Variants in RIGI observed in about 807,000 individuals in gnomAD.
The protein encoded by RIGI is antiviral innate immune response receptor RIG-I.
the RIGI span, among the ~76,000 whole-genome samples, chr9:32,460,859 G>C: frequency 2.6e-5 from 4 of 152,244 alleles, no homozygotes; most frequent in East Asian, 7.7e-4. Flanking sequence ...AGTGAAGAAA[G>C]AGCAGGGCTT....
At chr9:32,510,884 TGGAG>T in the RIGI span, among the ~76,000 whole-genome samples, 2 of 149,940 alleles carry the variant, frequency 1.3e-5, no homozygotes, top group Admixed American at 1.3e-4. Flanking sequence ...AATACAGGGA[TGGAG>T]GAAGATTTAC....
chr9:32,497,640 G>A, the RIGI span, among the ~76,000 whole-genome samples: 1 of 152,140 alleles, frequency 6.6e-6, no homozygotes, highest in Non-Finnish European at 1.5e-5. Flanking sequence ...CCAGCTACTC[G>A]GGAGGCTGAG....
chr9:32,489,330 G>A, the RIGI span: 5 of 1,564,528 alleles, frequency 3.2e-6, no homozygotes, highest in South Asian at 1.1e-5. Flanking sequence ...TGTAAGTAAT[G>A]GCAATAGGCT....
the RIGI span, among the ~76,000 whole-genome samples, chr9:32,465,816 G>A: frequency 6.6e-6 from 1 of 152,292 alleles, no homozygotes; most frequent in Non-Finnish European, 1.5e-5. Context: ...TCATGTTTCT[G>A]TGTTACGGAA....
the RIGI span, among the ~76,000 whole-genome samples, chr9:32,476,366 G>A: frequency 6.6e-6 from 1 of 152,058 alleles, no homozygotes; most frequent in South Asian, 2.1e-4. Flanking sequence ...GGGCATGGTG[G>A]CAGATGACTG....
At chr9:32,511,819 A>G in the RIGI span, among the ~76,000 whole-genome samples, 1 of 152,174 alleles carries the variant, frequency 6.6e-6, no homozygotes, top group Non-Finnish European at 1.5e-5. Flanking sequence ...AGATTAACAA[A>G]TATATAGACC....
chr9:32,507,525 T>C, the RIGI span, among the ~76,000 whole-genome samples: 1 of 152,180 alleles, frequency 6.6e-6, no homozygotes, highest in Non-Finnish European at 1.5e-5. Context: ...TCTTCACTGA[T>C]ATCTCAATAC....
the RIGI span, chr9:32,481,262 G>T: frequency 7.1e-7 from 1 of 1,411,148 alleles, no homozygotes; most frequent in Non-Finnish European, 9.7e-7. Context: ...ATGAGAAGTT[G>T]ATGTTATCTT....
chr9:32,504,225 G>T, the RIGI span, among the ~76,000 whole-genome samples: 3 of 152,062 alleles, frequency 2.0e-5, no homozygotes, highest in Admixed American at 1.3e-4. Flanking sequence ...TTGCAGAGAG[G>T]GTTAGAGTAA....
the RIGI span, among the ~76,000 whole-genome samples, chr9:32,523,636 G>A: frequency 2.0e-5 from 3 of 151,888 alleles, no homozygotes; most frequent in East Asian, 1.9e-4. Flanking sequence ...CCATTCCTCC[G>A]GATTCCTATT....
the RIGI span, among the ~76,000 whole-genome samples, chr9:32,502,749 C>T: frequency 2.6e-5 from 4 of 152,204 alleles, no homozygotes; most frequent in Non-Finnish European, 4.4e-5. Flanking sequence ...CTTGTGACAA[C>T]ACTCCCTCCA....
the RIGI span, among the ~76,000 whole-genome samples, chr9:32,487,222 A>C: frequency 6.6e-6 from 1 of 152,192 alleles, no homozygotes; most frequent in African/African-American, 2.4e-5. Context: ...TAGTACATTT[A>C]TAAGAGGTTT....
the RIGI span, among the ~76,000 whole-genome samples, chr9:32,463,168 C>T: frequency 2.6e-3 from 403 of 152,174 alleles, no homozygotes; most frequent in African/African-American, 9.1e-3. Context: ...TTTCCCCTTC[C>T]CCACTTCTTG....
the RIGI span, chr9:32,488,692 T>C: frequency 6.7e-7 from 1 of 1,482,036 alleles, no homozygotes; most frequent in Non-Finnish European, 9.0e-7. Context: ...ATCAATTACA[T>C]GAAGCTGGAG....
the RIGI span, chr9:32,467,689 C>T: frequency 2.9e-5 from 41 of 1,410,874 alleles, no homozygotes; most frequent in Non-Finnish European, 3.8e-5. Flanking sequence ...AAGAGAAAGG[C>T]CAGAATGACA....
At chr9:32,515,198 G>A in the RIGI span, among the ~76,000 whole-genome samples, 223 of 151,790 alleles carry the variant, frequency 1.5e-3, 1 homozygote, top group African/African-American at 5.2e-3. Context: ...CCAGGAGTTC[G>A]AGACCAGCCT....
the RIGI span, among the ~76,000 whole-genome samples, chr9:32,466,050 A>T: frequency 1.3e-5 from 2 of 152,260 alleles, no homozygotes; most frequent in Middle Eastern, 3.2e-3. Context: ...ACTGTCAACT[A>T]GAGAAATCCT....
At chr9:32,491,438 A>C in the RIGI span, 2 of 1,579,946 alleles carry the variant, frequency 1.3e-6, no homozygotes, top group Non-Finnish European at 1.7e-6. Flanking sequence ...AGACCAAAAA[A>C]GTCTTAGAAT....
At chr9:32,485,282 A>G in the RIGI span, 22,203 of 1,557,460 alleles carry the variant, frequency 0.014, 1,034 homozygotes, top group East Asian at 0.15. Context: ...CCTGAAAACT[A>G]GAGACGTCAA....
Sources: allele counts gnomAD v4.1 joint callset (sites outside exome capture counted in the v4.1 genomes callset), GRCh38; gene constraint gnomAD v4.1.1; transcripts MANE v1.5; gene names NCBI Gene and HGNC (gene_info 2026-07-23, HGNC 2026-07-21).